Variants in FAR2 observed in about 807,000 individuals in gnomAD.
FAR2 encodes epididymis secretory protein Li 81.
FAR2 carries 19 observed loss-of-function variants against 56.0 expected under a neutral mutation model. That is an observed-to-expected ratio of 0.34 (90% CI 0.24 to 0.50). The LOEUF (loss-of-function observed/expected upper bound fraction) is 0.50. Among genes scored for constraint, FAR2 ranks in the 20% least tolerant of loss-of-function variants. FAR2 has a pLI of 0.98. For missense variants in FAR2, 508 were observed against 642.2 expected, an observed-to-expected ratio of 0.79 and a Z score of 2.26; for synonymous variants, 219 against 218.8, an observed-to-expected ratio of 1.00 and a Z score of -0.01.
chr12:29,254,967 G>T lies in FAR2; in HGVS notation c.-38-15445G>T, dbSNP rs77186102. Among the ~76,000 whole-genome samples the T allele has an allele frequency of 3.5e-5, 5 of 141,596 alleles. No homozygotes were observed. In the South Asian group the frequency reaches 9.1e-4, roughly 26 times the overall value. The allele number at this position is 141,596 out of a possible 152,430, so 92.9% of individuals were successfully genotyped here. On this transcript the variant is annotated intron_variant, in intron 1 of 11. Transcript: ENST00000536681. ...GACTGTCTCAAAAAAAAAAAAAAAA[G>T]TTTACTCCAGAAATTAAATAGTTGA...
chr12:29,314,669 C>T (rs1949416607), intron 8 of FAR2, among the ~76,000 whole-genome samples: 1 of 152,024 alleles, frequency 6.6e-6, no homozygotes, highest in Admixed American at 6.6e-5. Flanking sequence ...TCCTCCAGAG[C>T]AGAATACTCT....
chr12:29,220,234 A>G (rs1295235857), intron 1 of FAR2, among the ~76,000 whole-genome samples: 2 of 152,100 alleles, frequency 1.3e-5, no homozygotes, highest in Non-Finnish European at 2.9e-5. Flanking sequence ...TCTTGGTTAC[A>G]TTTTCCCTGA....
At chr12:29,233,002 C>T (rs1947883127) in intron 1 of FAR2, among the ~76,000 whole-genome samples, 1 of 152,142 alleles carries the variant, frequency 6.6e-6, no homozygotes, top group African/African-American at 2.4e-5. Flanking sequence ...GTTGTGATCA[C>T]CATACTTATT....
chr12:29,206,260 T>C (rs951097171), intron 1 of FAR2, among the ~76,000 whole-genome samples: 2 of 152,226 alleles, frequency 1.3e-5, no homozygotes, highest in Admixed American at 6.5e-5. Flanking sequence ...CTTTTTCAGA[T>C]TGTTGCAACA....
At chr12:29,298,054 A>G (rs1039558117) in intron 4 of FAR2, among the ~76,000 whole-genome samples, 19 of 149,458 alleles carry the variant, frequency 1.3e-4, no homozygotes, top group Admixed American at 2.7e-4. Flanking sequence ...AAAAAAAAAA[A>G]AAGAACTAAT....
chr12:29,319,551 A>G (rs534851157), intron 9 of FAR2, among the ~76,000 whole-genome samples: 1 of 152,242 alleles, frequency 6.6e-6, no homozygotes, highest in South Asian at 2.1e-4. Context: ...GTGAATACAT[A>G]TTTCATATAT....
chr12:29,297,784 G>A (rs1221850360), intron 4 of FAR2, among the ~76,000 whole-genome samples: 7 of 152,178 alleles, frequency 4.6e-5, no homozygotes, highest in African/African-American at 1.2e-4. Context: ...GGTGGCTCAC[G>A]CCTGTAATCC....
At chr12:29,311,622 C>A (rs1015743935) in intron 7 of FAR2, among the ~76,000 whole-genome samples, 2 of 151,354 alleles carry the variant, frequency 1.3e-5, no homozygotes, top group Non-Finnish European at 2.9e-5. Flanking sequence ...TGTGAACTCA[C>A]ATATATGTAC....
chr12:29,202,816 A>T (rs146452231), intron 1 of FAR2, among the ~76,000 whole-genome samples: 120 of 152,284 alleles, frequency 7.9e-4, no homozygotes, highest in African/African-American at 2.6e-3. Flanking sequence ...TCAGAAGCAG[A>T]TGCTGGCACT....
At chr12:29,259,456 A>G (rs1267917418) in intron 1 of FAR2, among the ~76,000 whole-genome samples, 1 of 152,210 alleles carries the variant, frequency 6.6e-6, no homozygotes, top group Non-Finnish European at 1.5e-5. Flanking sequence ...ACATTTGGAT[A>G]AATTTGTCTT....
intron 8 of FAR2, among the ~76,000 whole-genome samples, chr12:29,313,137 A>G (rs1949381519): frequency 6.6e-6 from 1 of 152,064 alleles, no homozygotes; most frequent in Non-Finnish European, 1.5e-5. Context: ...AGGGATCAAA[A>G]TGCTTCCTAC....
At chr12:29,277,631 G>A (rs1396226669) in intron 2 of FAR2, 3 of 152,272 alleles carry the variant, frequency 2.0e-5, no homozygotes, top group East Asian at 1.9e-4. Context: ...AACAAGTGAC[G>A]CCTGCTTTAA....
intron 4 of FAR2, among the ~76,000 whole-genome samples, chr12:29,305,984 GTTTT>G (rs1248063214): frequency 7.0e-6 from 1 of 143,018 alleles, no homozygotes; most frequent in Non-Finnish European, 1.5e-5. Flanking sequence ...TGTTTCCTAG[GTTTT>G]TTTTTTTTTA....
chr12:29,255,707 T>C (rs1369831957), intron 1 of FAR2, among the ~76,000 whole-genome samples: 3 of 151,996 alleles, frequency 2.0e-5, no homozygotes, highest in African/African-American at 7.3e-5. Context: ...TCACTGCAAC[T>C]TCTGCCTCCC....
At chr12:29,197,133 A>G (rs1319356811) in intron 1 of FAR2, among the ~76,000 whole-genome samples, 1 of 152,186 alleles carries the variant, frequency 6.6e-6, no homozygotes, top group African/African-American at 2.4e-5. Context: ...GCATAACGGT[A>G]TTATGCTATT....
intron 2 of FAR2, 123 bp downstream of exon 2, chr12:29,270,761 G>C (rs1948604815): frequency 2.5e-6 from 2 of 793,650 alleles, no homozygotes; most frequent in South Asian, 7.9e-5. Context: ...GTAGAGGAAG[G>C]CAGACAAAAC....
chr12:29,208,929 G>T (rs1195633978), intron 1 of FAR2, among the ~76,000 whole-genome samples: 3 of 152,148 alleles, frequency 2.0e-5, no homozygotes, highest in Non-Finnish European at 4.4e-5. Flanking sequence ...TGGCAAAATA[G>T]AAGCTAATGT....
chr12:29,240,492 C>T (rs1347040621), intron 1 of FAR2, among the ~76,000 whole-genome samples: 1 of 149,898 alleles, frequency 6.7e-6, no homozygotes, highest in Non-Finnish European at 1.5e-5. Flanking sequence ...GGTGAGGTGA[C>T]ACAGAGAAAT....
intron 1 of FAR2, among the ~76,000 whole-genome samples, chr12:29,211,463 A>G: frequency 6.6e-6 from 1 of 152,200 alleles, no homozygotes; most frequent in East Asian, 1.9e-4. Flanking sequence ...ACATAAGTCT[A>G]TCCTAGCAAG....
Sources: gnomAD v4.1 joint callset for allele counts (sites outside exome capture counted in the v4.1 genomes callset) on GRCh38, gnomAD v4.1.1 for gene constraint, MANE v1.5 for transcripts, NCBI Gene and HGNC (gene_info 2026-07-23, HGNC 2026-07-21) for gene names.